PIP4K2A: variants seen among roughly 807,000 people sequenced by gnomAD.
PIP4K2A encodes phosphatidylinositol-5-phosphate 4-kinase type 2 alpha.
PIP4K2A carries 14 observed loss-of-function variants against 42.9 expected under a neutral mutation model. The observed-to-expected ratio is 0.33, with a 90% CI of 0.22 to 0.51. The LOEUF is 0.51. Ranked by LOEUF, PIP4K2A falls within the 20% of genes least tolerant of loss-of-function variation. PIP4K2A has a pLI of 0.97. For synonymous variants in PIP4K2A, 192 were observed against 192.2 expected (o/e 1.00, Z 0.01); for missense variants, 434 against 519.8 (o/e 0.83, Z 1.61).
chr10:22,688,256 T>G (rs997475887), intron 1 of PIP4K2A, among the ~76,000 whole-genome samples: 3 of 152,210 alleles, frequency 2.0e-5, no homozygotes, highest in Non-Finnish European at 2.9e-5. Flanking sequence ...CTGGTAACAC[T>G]GAGTAACTTA....
chr10:22,663,676 C>T (rs1014515762), intron 1 of PIP4K2A, among the ~76,000 whole-genome samples: 10 of 152,116 alleles, frequency 6.6e-5, no homozygotes, highest in African/African-American at 1.7e-4. Flanking sequence ...TTCTTCTAGA[C>T]ATTTTTCTAT....
At chr10:22,557,348 ATAT>A (rs1442887649) in intron 6 of PIP4K2A, among the ~76,000 whole-genome samples, 3 of 152,248 alleles carry the variant, frequency 2.0e-5, no homozygotes, top group African/African-American at 7.2e-5. Context: ...TTCCTGCTTA[ATAT>A]TATTTAGTAC....
In PIP4K2A at chr10:22,617,645, T is replaced by C. The variant is rs138583871; in HGVS notation, c.145-7928A>G. 8.5e-5 allele frequency among the ~76,000 whole-genome samples: 13 copies of C among 152,276 alleles called. 1 individual carries two copies. Among genetic ancestry groups the C allele is most frequent in the African/African-American group, 2.2e-4 (9 of 41,534 alleles). ...AATGAAGACAATTCCCTACAAATTA[T>C]GACATATTGAGATGAAACAGGAAGC... On this transcript the variant is annotated intron_variant, in intron 1 of 9. Transcript: ENST00000376573.
At chr10:22,627,241 T>C (rs917385909) in intron 1 of PIP4K2A, among the ~76,000 whole-genome samples, 4 of 152,206 alleles carry the variant, frequency 2.6e-5, no homozygotes, top group African/African-American at 9.6e-5. Flanking sequence ...CAGTTCTCAC[T>C]ACATTTTAAA....
chr10:22,599,933 G>A (rs921914413), intron 3 of PIP4K2A, among the ~76,000 whole-genome samples: 2 of 152,138 alleles, frequency 1.3e-5, no homozygotes, highest in African/African-American at 2.4e-5. Context: ...AAGGATTAAC[G>A]ATGCTGTCCT....
At chr10:22,625,095 GCAT>G (rs1376353292) in intron 1 of PIP4K2A, among the ~76,000 whole-genome samples, 1 of 152,154 alleles carries the variant, frequency 6.6e-6, no homozygotes, top group Non-Finnish European at 1.5e-5. Context: ...GAGAAAAGGA[GCAT>G]AATAATTTCG....
At chr10:22,675,760 C>T (rs1319983352) in intron 1 of PIP4K2A, among the ~76,000 whole-genome samples, 2 of 152,176 alleles carry the variant, frequency 1.3e-5, no homozygotes, top group Non-Finnish European at 2.9e-5. Context: ...CCCTCACATC[C>T]ACTCTACATA....
intron 6 of PIP4K2A, 135 bp from the exon 7 acceptor site, chr10:22,550,907 C>A (rs541786882): frequency 6.1e-4 from 393 of 640,482 alleles, no homozygotes; most frequent in Non-Finnish European, 8.7e-4. Context: ...AGGGGTCTTA[C>A]CCAAACAATA....
At chr10:22,639,798 T>C (rs985725203) in intron 1 of PIP4K2A, among the ~76,000 whole-genome samples, 2 of 152,158 alleles carry the variant, frequency 1.3e-5, no homozygotes, top group Admixed American at 6.5e-5. Context: ...AAAAGTTGTA[T>C]TTCATTCACA....
intron 1 of PIP4K2A, among the ~76,000 whole-genome samples, chr10:22,615,167 C>T (rs1289858545): frequency 6.6e-6 from 1 of 152,122 alleles, no homozygotes; most frequent in Non-Finnish European, 1.5e-5. Flanking sequence ...AGTGCAGGGG[C>T]ATGATCATGG....
intron 4 of PIP4K2A, among the ~76,000 whole-genome samples, chr10:22,581,082 G>A (rs577330617): frequency 5.3e-5 from 8 of 152,348 alleles, no homozygotes; most frequent in African/African-American, 1.9e-4. Flanking sequence ...TTATTCTCCT[G>A]TGAGAGCACA....
intron 1 of PIP4K2A, among the ~76,000 whole-genome samples, chr10:22,683,062 A>AAACAACAAC (rs59679229): frequency 1.6e-5 from 2 of 123,462 alleles, no homozygotes; most frequent in East Asian, 4.5e-4. Context: ...AGAAAAAGAA[A>AAACAACAAC]AACAACAACA....
chr10:22,567,657 TC>T, intron 6 of PIP4K2A, 193 bp downstream of exon 6: 1 of 743,690 alleles, frequency 1.3e-6, no homozygotes, highest in Non-Finnish European at 2.5e-6. Context: ...GTTTCACTAT[TC>T]AACAATTTGA....
intron 3 of PIP4K2A, 45 bp from the exon 4 acceptor site, chr10:22,591,826 C>G (rs766415460): frequency 6.5e-7 from 1 of 1,535,472 alleles, no homozygotes; most frequent in South Asian, 1.2e-5. Flanking sequence ...GGGAAGATAA[C>G]TAGTTAAAGG....
chr10:22,549,564 G>A (rs561548402), intron 7 of PIP4K2A, among the ~76,000 whole-genome samples: 16 of 151,234 alleles, frequency 1.1e-4, no homozygotes, highest in East Asian at 5.8e-4. Flanking sequence ...TTTTTTGGCC[G>A]GGCTTGGTGG....
chr10:22,695,515 C>T (rs1330376404), intron 1 of PIP4K2A, among the ~76,000 whole-genome samples: 1 of 151,942 alleles, frequency 6.6e-6, no homozygotes, highest in Non-Finnish European at 1.5e-5. Context: ...AAGGGATTTC[C>T]TAGGAGAGCT....
At chr10:22,641,527 G>T (rs983825927) in intron 1 of PIP4K2A, among the ~76,000 whole-genome samples, 1 of 151,618 alleles carries the variant, frequency 6.6e-6, no homozygotes, top group Non-Finnish European at 1.5e-5. Context: ...CTGCAGCCTT[G>T]AACTCATGGG....
chr10:22,698,612 T>C (rs1185346536), intron 1 of PIP4K2A, among the ~76,000 whole-genome samples: 1 of 152,232 alleles, frequency 6.6e-6, no homozygotes. Flanking sequence ...ATAGCAGTTT[T>C]TGCCACTGAA....
At chr10:22,612,594 G>A (rs1272602231) in intron 1 of PIP4K2A, among the ~76,000 whole-genome samples, 2 of 152,310 alleles carry the variant, frequency 1.3e-5, no homozygotes, top group Middle Eastern at 3.4e-3. Context: ...CTCAGCAGAG[G>A]GCGGAGGCGG....
Sources: allele counts gnomAD v4.1 joint callset (sites outside exome capture counted in the v4.1 genomes callset), GRCh38; gene constraint gnomAD v4.1.1; transcripts MANE v1.5; gene names NCBI Gene and HGNC (gene_info 2026-07-23, HGNC 2026-07-21).